Variants in GDAP1 observed in about 807,000 individuals in gnomAD.
GDAP1 encodes the protein ganglioside-induced differentiation-associated protein 1.
Under a neutral mutation model 40.1 loss-of-function variants are expected in GDAP1, and 34 were observed. The ratio of observed to expected loss-of-function variants is 0.85; its 90% confidence interval spans 0.64 to 1.13. The LOEUF (loss-of-function observed/expected upper bound fraction) is 1.13, where lower values mean the gene tolerates loss of function less well. GDAP1 is among the 50% of genes most tolerant of loss of function. The pLI, the probability that GDAP1 is intolerant of heterozygous loss-of-function variation, is 0.00. For missense variants in GDAP1, 374 were observed against 433.7 expected, an observed-to-expected ratio of 0.86 and a Z score of 1.22; for synonymous variants, 170 against 157.4, an observed-to-expected ratio of 1.08 and a Z score of -0.60.
At chr8:74,472,102 C>G (rs1188531066) in intron 2 of GDAP1, among the ~76,000 whole-genome samples, 1 of 152,178 alleles carries the variant, frequency 6.6e-6, no homozygotes, top group African/African-American at 2.4e-5. Context: ...ACACTCCACT[C>G]TCCGATAGTC....
At chr8:74,356,498 G>A (rs2131504934) in intron 2 of GDAP1, among the ~76,000 whole-genome samples, 1 of 151,966 alleles carries the variant, frequency 6.6e-6, no homozygotes, top group African/African-American at 2.4e-5. Flanking sequence ...TGCATACAGT[G>A]AACTGATATA....
chr8:74,394,831 G>C (rs143435872), intron 2 of GDAP1, among the ~76,000 whole-genome samples: 1 of 152,160 alleles, frequency 6.6e-6, no homozygotes, highest in Non-Finnish European at 1.5e-5. Flanking sequence ...GCAGCCCAAA[G>C]AAGACTCATA....
Position 74,366,618 on chromosome 8 carries a change from A to G in GDAP1, c.*2251A>G, listed in dbSNP as rs767386519. The G allele has an allele frequency of 1.7e-4, 78 of 453,896 alleles. No homozygotes were observed. Among genetic ancestry groups the G allele is most frequent in the African/African-American group, 1.5e-3 (73 of 50,134 alleles). 28.1% of individuals were successfully genotyped at this position (453,896 alleles called of 1,614,324 possible). A position where few individuals can be genotyped will look rare whatever the true frequency, so the allele number is the denominator to read the frequency against. On this transcript the variant is annotated 3_prime_UTR_variant, in exon 6 of 6. Transcript: ENST00000220822. Reference sequence around the variant, plus strand: ...TTGTATAAATATCACAATTAGAAAAATGCCTGAGGTACTAAAGTTATGTTG... The same window carrying G: ...TTGTATAAATATCACAATTAGAAAAGTGCCTGAGGTACTAAAGTTATGTTG...
rs1365668244 is a variant in GDAP1 at position 74,364,957 on chromosome 8, A to G, written c.*590A>G. ...TCTGTAAAAGTCTTAAGTGATATTA[A>G]GATGATTCCTTACCATTTCAGATGG... On this transcript the variant is annotated 3_prime_UTR_variant, in exon 6 of 6. Coordinates refer to ENST00000220822, the MANE Select transcript of GDAP1 (RefSeq NM_018972.4). 1 of 454,134 alleles carries G rather than the reference A, an allele frequency of 2.2e-6. No individual in the cohort carries two copies. Among genetic ancestry groups the G allele is most frequent in the East Asian group, 6.9e-5 (1 of 14,390 alleles). The allele number at this position is 454,134 out of a possible 1,614,324, so 28.1% of individuals were successfully genotyped here.
At chr8:74,482,129 G>GC (rs1475079747) in intron 2 of GDAP1, among the ~76,000 whole-genome samples, 1 of 143,100 alleles carries the variant, frequency 7.0e-6, no homozygotes, top group African/African-American at 2.5e-5. Context: ...TGGGGGGGGG[G>GC]GGTCATCTTT....
At chr8:74,391,218 G>T (rs1364108939) in intron 2 of GDAP1, among the ~76,000 whole-genome samples, 1 of 149,372 alleles carries the variant, frequency 6.7e-6, no homozygotes, top group Non-Finnish European at 1.5e-5. Context: ...CCAGGCGCTA[G>T]TGGGGTATGA....
At chr8:74,373,608 A>T (rs1353558645) in intron 2 of GDAP1, among the ~76,000 whole-genome samples, 1 of 152,220 alleles carries the variant, frequency 6.6e-6, no homozygotes, top group Non-Finnish European at 1.5e-5. Context: ...CATTGATTTT[A>T]TATCCTCAGA....
intron 2 of GDAP1, among the ~76,000 whole-genome samples, chr8:74,477,002 T>A (rs1355930276): frequency 1.3e-5 from 2 of 152,216 alleles, no homozygotes; most frequent in African/African-American, 4.8e-5. Context: ...GTTCTCTTTA[T>A]TTTTGTCTGA....
chr8:74,409,652 C>A (rs1180908768), intron 2 of GDAP1, among the ~76,000 whole-genome samples: 2 of 149,992 alleles, frequency 1.3e-5, no homozygotes, highest in East Asian at 3.9e-4. Context: ...CGCACCTGAC[C>A]CTCAGTTCCT....
intron 2 of GDAP1, among the ~76,000 whole-genome samples, chr8:74,391,911 C>T (rs781602774): frequency 4.2e-4 from 64 of 152,194 alleles, no homozygotes; most frequent in African/African-American, 1.3e-3. Context: ...CTCTGCCTCC[C>T]GGGTTCAAGT....
intron 2 of GDAP1, among the ~76,000 whole-genome samples, chr8:74,462,680 T>C (rs944118207): frequency 6.6e-6 from 1 of 152,210 alleles, no homozygotes; most frequent in African/African-American, 2.4e-5. Context: ...AAATTAGGAA[T>C]AATTTAAGGA....
rs1354997333 is a variant in GDAP1 at position 74,366,359 on chromosome 8, A to G, written c.*1992A>G. The stretch of plus-strand genomic sequence containing the variant: ...GCAACTCTTCTAAAATGTTTCAAGC[A>G]AAGATAGTAATGACCTCAGTTTCTG... On this transcript the variant is annotated 3_prime_UTR_variant, in exon 6 of 6. Transcript: ENST00000220822. The G allele has an allele frequency of 6.6e-6, 3 of 454,492 alleles. No individual in the cohort carries two copies. The highest frequency in any genetic ancestry group is 8.8e-6 in the Non-Finnish European group (2 of 226,766). The allele number at this position is 454,492 out of a possible 1,614,324, so 28.2% of individuals were successfully genotyped here.
chr8:74,474,551 C>T (rs533517860), intron 2 of GDAP1, among the ~76,000 whole-genome samples: 2 of 152,210 alleles, frequency 1.3e-5, no homozygotes, highest in East Asian at 3.9e-4. Context: ...TTGAGATAAT[C>T]ATGTGGTTTT....
chr8:74,459,550 A>G (rs1264706981), intron 2 of GDAP1, among the ~76,000 whole-genome samples: 1 of 152,206 alleles, frequency 6.6e-6, no homozygotes, highest in Non-Finnish European at 1.5e-5. Context: ...ACGCTAATGC[A>G]ATGGTGAAGT....
chr8:74,408,650 A>G (rs1258977357), intron 2 of GDAP1, among the ~76,000 whole-genome samples: 2 of 150,082 alleles, frequency 1.3e-5, no homozygotes, highest in Non-Finnish European at 2.9e-5. Flanking sequence ...TCTGTTGTTT[A>G]TAAGCGACTC....
At chr8:74,476,797 T>A (rs1381439523) in intron 2 of GDAP1, among the ~76,000 whole-genome samples, 2 of 152,210 alleles carry the variant, frequency 1.3e-5, no homozygotes, top group Admixed American at 1.3e-4. Context: ...TTGTGAGGGT[T>A]CTCTGAATTT....
At chr8:74,449,696 T>G (rs1806273759) in intron 2 of GDAP1, among the ~76,000 whole-genome samples, 1 of 151,816 alleles carries the variant, frequency 6.6e-6, no homozygotes, top group Non-Finnish European at 1.5e-5. Context: ...ATAGTCACTG[T>G]TTTTGTATTT....
At position 74,351,501 on chromosome 8, in the gene GDAP1, A is replaced by G; in HGVS notation, c.310+35A>G. 2 of 1,380,962 alleles carry G rather than the reference A, an allele frequency of 1.4e-6. 1 individual carries two copies. The highest frequency in any genetic ancestry group is 2.1e-6 in the Non-Finnish European group (2 of 967,072). 85.5% of individuals were successfully genotyped at this position (1,380,962 alleles called of 1,614,324 possible). On this transcript the variant is annotated intron_variant, in intron 2 of 5. Coordinates refer to ENST00000220822, the MANE Select transcript of GDAP1 (RefSeq NM_018972.4). ...AGGCTACTTGCGATTTCTTGGATTTACTTTCAACACAACTATGTGTTCCCT... is the reference window on the plus strand; with the variant it reads ...AGGCTACTTGCGATTTCTTGGATTTGCTTTCAACACAACTATGTGTTCCCT...
At chr8:74,373,484 A>G (rs947264880) in intron 2 of GDAP1, among the ~76,000 whole-genome samples, 1 of 151,992 alleles carries the variant, frequency 6.6e-6, no homozygotes, top group South Asian at 2.1e-4. Flanking sequence ...TCCCTTGTAA[A>G]TTGGATTCCT....
Sources: allele counts gnomAD v4.1 joint callset (sites outside exome capture counted in the v4.1 genomes callset), GRCh38; gene constraint gnomAD v4.1.1; transcripts MANE v1.5; gene names NCBI Gene and HGNC (gene_info 2026-07-23, HGNC 2026-07-21).